The following MMEL1 variants were observed in gnomAD, a reference collection of about 807,000 sequenced individuals.
The protein encoded by MMEL1 is membrane metallo-endopeptidase-like 1.
A neutral mutation model predicts 117.1 loss-of-function variants in MMEL1; 98 were observed. The observed-to-expected ratio is 0.84, with a 90% confidence interval of 0.71 to 0.99. The LOEUF is 0.99. Among genes scored for constraint, MMEL1 ranks in the 50% least tolerant of loss-of-function variants. The pLI, the probability that MMEL1 is intolerant of heterozygous loss-of-function variation, is 0.00. For synonymous variants in MMEL1, 390 were observed against 415.1 expected, an observed-to-expected ratio of 0.94 and a Z score of 0.74; for missense variants, 1,014 against 1,049.1, an observed-to-expected ratio of 0.97 and a Z score of 0.46.
At chr1:2,627,301 C>T (rs12748729) in intron 2 of MMEL1, among the ~76,000 whole-genome samples, 91,581 of 152,108 alleles carry the variant, frequency 0.6, 28,300 homozygotes, top group Non-Finnish European at 0.68. Context: ...ACTACAAGAA[C>T]GGGTGATTCT....
chr1:2,629,715 C>A, intron 1 of MMEL1, 194 bp from the exon 2 acceptor site: 1 of 514,208 alleles, frequency 1.9e-6, no homozygotes, highest in Non-Finnish European at 3.4e-6. Flanking sequence ...GGGCCGGAAT[C>A]TCTGAGTGCA....
rs1171113905 is a variant in MMEL1 at position 2,609,660 on chromosome 1, G to T, written c.454+10C>A. On this transcript the variant is annotated intron_variant, in intron 5 of 23. Coordinates refer to ENST00000378412, the MANE Select transcript of MMEL1 (RefSeq NM_033467.4). ...GTCACCCCACTGCACCCCCGGCCGT[G>T]CTCTGCCACCTTTGAGGATGACCTC... The T allele has an allele frequency of 1.2e-6, 2 of 1,603,118 alleles. No individual in the cohort carries two copies. The highest frequency in any genetic ancestry group is 1.7e-5 in the Admixed American group (1 of 59,528).
chr1:2,608,462 A>C (rs4073286), intron 6 of MMEL1, among the ~76,000 whole-genome samples: 68,377 of 151,926 alleles, frequency 0.45, 16,853 homozygotes, highest in African/African-American at 0.65. Flanking sequence ...TGCACACACA[A>C]GCACATATGA....
Position 2,611,290 on chromosome 1 carries a change from C to G in MMEL1, c.283G>C (p.Val95Leu). Residue 95 changes from valine to leucine, a missense_variant, in exon 4 of 24, where the codon GTG becomes CTG. Coordinates refer to ENST00000378412, the MANE Select transcript of MMEL1 (RefSeq NM_033467.4). ...VSEVCTTPGC[V>L]IAAARILQNM... ...AGGGGGCGGGGCTTACCTGCTATCACGCAGCCAGGGGTGGTGCAGACCTCG... is the reference window on the plus strand; with the variant it reads ...AGGGGGCGGGGCTTACCTGCTATCAGGCAGCCAGGGGTGGTGCAGACCTCG... 2 of 1,579,328 alleles carry G rather than the reference C, an allele frequency of 1.3e-6. No homozygotes were observed. The highest frequency in any genetic ancestry group is 1.2e-5 in the South Asian group (1 of 86,402).
chr1:2,616,243 G>A (rs1318507303), intron 2 of MMEL1, among the ~76,000 whole-genome samples: 1 of 151,822 alleles, frequency 6.6e-6, no homozygotes, highest in African/African-American at 2.4e-5. Context: ...TTGGGAGGCT[G>A]AGGTGGGAAG....
In MMEL1 at chr1:2,592,740, T is replaced by C. The variant is rs745414638; in HGVS notation, c.2002-20A>G. 15 of 1,610,208 alleles carry C rather than the reference T, an allele frequency of 9.3e-6. No homozygotes were observed. The highest frequency in any genetic ancestry group is 4.0e-5 in the African/African-American group (3 of 74,442). On this transcript the variant is annotated intron_variant, in intron 20 of 23. Coordinates refer to ENST00000378412, the MANE Select transcript of MMEL1 (RefSeq NM_033467.4). ...GTTCACCTGCGCACAGGAGACAGGA[T>C]TGGGGCAGCCCCGGCCCTGACTTCC... is the stretch of plus-strand genomic sequence containing the variant.
chr1:2,616,408 G>A (rs1022182288), intron 2 of MMEL1, among the ~76,000 whole-genome samples: 1 of 147,674 alleles, frequency 6.8e-6, no homozygotes, highest in African/African-American at 2.5e-5. Context: ...CAGTAAGAAT[G>A]ACGGTGACCT....
intron 1 of MMEL1, among the ~76,000 whole-genome samples, chr1:2,630,599 G>A (rs562484765): frequency 2.6e-5 from 4 of 151,138 alleles, no homozygotes; most frequent in Non-Finnish European, 4.4e-5. Flanking sequence ...GTGTGTCCTC[G>A]TGTGTGCATG....
chr1:2,617,283 C>T (rs975152130), intron 2 of MMEL1, among the ~76,000 whole-genome samples: 42 of 152,050 alleles, frequency 2.8e-4, no homozygotes, highest in South Asian at 1.5e-3. Flanking sequence ...AAAAATTAGC[C>T]GGGCGTGGTG....
chr1:2,592,134 G>T, intron 21 of MMEL1, 107 bp from the exon 22 acceptor site: 1 of 864,734 alleles, frequency 1.2e-6, no homozygotes. Flanking sequence ...ACCCCTGTGG[G>T]GGTCCTGCTG....
chr1:2,593,078 C>T lies in MMEL1; in HGVS notation c.1868-112G>A, dbSNP rs749429983. ...GCCCCTCCTGCAGCCAGCCCCAGTA[C>T]GGAGAGCCCACAGTCTGAGTAGGCT... On this transcript the variant is annotated intron_variant, in intron 19 of 23. Coordinates refer to ENST00000378412, the MANE Select transcript of MMEL1 (RefSeq NM_033467.4). 2.8e-5 allele frequency: 39 copies of T among 1,375,668 alleles called. 1 individual carries two copies. The highest frequency in any genetic ancestry group is 2.6e-4 in the South Asian group (20 of 77,484). The allele number at this position is 1,375,668 out of a possible 1,614,324, so 85.2% of individuals were successfully genotyped here.
intron 18 of MMEL1, chr1:2,594,164 C>T (rs1644792253): frequency 7.7e-6 from 6 of 775,938 alleles, no homozygotes; most frequent in Non-Finnish European, 1.0e-5. Context: ...CCTGTTCTGC[C>T]TGCAGGAAAG....
chr1:2,629,574 C>T (rs1428294661), intron 1 of MMEL1, 53 bp from the exon 2 acceptor site: 6 of 1,361,014 alleles, frequency 4.4e-6, no homozygotes, highest in East Asian at 3.0e-5. Flanking sequence ...TCCCCGAGCC[C>T]GGCCCGAGGC....
chr1:2,607,519 G>A (rs188272984), intron 6 of MMEL1, among the ~76,000 whole-genome samples: 1,875 of 152,238 alleles, frequency 0.012, 23 homozygotes, highest in Non-Finnish European at 0.021. Context: ...GGGCCTGTGT[G>A]TGTCCTGTGT....
In MMEL1 at chr1:2,609,461, T is replaced by A. The variant is rs575463788; in HGVS notation, c.455-42A>T. On this transcript the variant is annotated intron_variant, in intron 5 of 23. Transcript: ENST00000378412. Reference sequence around the variant, plus strand: ...AGGTTGGACAGAGGCCTGACGAGGCTGCAGGGGCCAGGTCACAGGTCCCTA... The same window carrying A: ...AGGTTGGACAGAGGCCTGACGAGGCAGCAGGGGCCAGGTCACAGGTCCCTA... The A allele has an allele frequency of 3.2e-6, 5 of 1,587,002 alleles. No individual in the cohort carries two copies. The South Asian group carries it at 5.7e-5, about 18-fold the overall frequency.
intron 2 of MMEL1, among the ~76,000 whole-genome samples, chr1:2,624,929 GGA>G (rs1404050959): frequency 6.6e-6 from 1 of 152,108 alleles, no homozygotes; most frequent in Non-Finnish European, 1.5e-5. Context: ...GTGGAGCAGG[GGA>G]GAGAGAGAGC....
chr1:2,609,494 T>G, intron 5 of MMEL1, 75 bp from the exon 6 acceptor site: 1 of 1,541,806 alleles, frequency 6.5e-7, no homozygotes, highest in Non-Finnish European at 8.8e-7. Flanking sequence ...CTACACCCCC[T>G]GAAGTGCTCG....
intron 19 of MMEL1, 118 bp from the exon 20 acceptor site, chr1:2,593,084 G>C (rs757342528): frequency 2.3e-5 from 31 of 1,329,622 alleles, no homozygotes; most frequent in Non-Finnish European, 3.0e-5. Flanking sequence ...AGTACGGAGA[G>C]CCCACAGTCT....
At chr1:2,613,340 G>C (rs898857461) in intron 2 of MMEL1, among the ~76,000 whole-genome samples, 2 of 152,218 alleles carry the variant, frequency 1.3e-5, no homozygotes, top group African/African-American at 4.8e-5. Context: ...GCCAATTGCA[G>C]TAACCCAGAG....
Sources: allele counts gnomAD v4.1 joint callset (sites outside exome capture counted in the v4.1 genomes callset), GRCh38; gene constraint gnomAD v4.1.1; transcripts MANE v1.5; gene names NCBI Gene and HGNC (gene_info 2026-07-23, HGNC 2026-07-21).